Variants in ANKRD11 observed in about 807,000 individuals in gnomAD.
The protein encoded by ANKRD11 is ankyrin repeat domain 11.
Under a neutral mutation model 195.7 loss-of-function variants are expected in ANKRD11, and 17 were observed. That is an observed-to-expected ratio of 0.09 (90% CI 0.06 to 0.13). The LOEUF (loss-of-function observed/expected upper bound fraction) is 0.13. ANKRD11 is among the 10% of genes least tolerant of loss of function. ANKRD11 has a pLI of 1.00. For missense variants in ANKRD11, 3,735 were observed against 3,566.1 expected, an observed-to-expected ratio of 1.05 and a Z score of -1.21; for synonymous variants, 1,953 against 1,528.1, an observed-to-expected ratio of 1.28 and a Z score of -6.49.
At chr16:89,387,634 C>A (rs1303042693) in intron 2 of ANKRD11, among the ~76,000 whole-genome samples, 3 of 147,212 alleles carry the variant, frequency 2.0e-5, no homozygotes, top group Non-Finnish European at 4.5e-5. Flanking sequence ...GACTGCACCA[C>A]TGCACTCTAG....
chr16:89,375,293 T>C (rs1464145924), intron 2 of ANKRD11, among the ~76,000 whole-genome samples: 2 of 152,170 alleles, frequency 1.3e-5, no homozygotes, highest in African/African-American at 2.4e-5. Flanking sequence ...GTAAACAAAT[T>C]ATCTCAAGCC....
rs141615010 is a variant in ANKRD11, at chr16:89,466,838, C to T, written c.-145+23407G>A. On this transcript the variant is annotated intron_variant, in intron 1 of 12. Transcript: ENST00000301030. ...GGCAGGGGCCCTCCCGCAACTCGGG[C>T]ATGTTCGAGAGTTTTTAGAGCTCCA... 6.5e-3 allele frequency among the ~76,000 whole-genome samples: 989 copies of T among 152,308 alleles called. 21 individuals are homozygous for T. Among genetic ancestry groups the T allele is most frequent in the East Asian group, 0.016 (83 of 5,186 alleles).
At chr16:89,302,444 G>A (rs1385644662) in intron 4 of ANKRD11, among the ~76,000 whole-genome samples, 1 of 152,114 alleles carries the variant, frequency 6.6e-6, no homozygotes, top group Non-Finnish European at 1.5e-5. Flanking sequence ...GTAGCGACAG[G>A]GTTTCTTCAT....
chr16:89,337,405 T>C (rs2038419428), intron 2 of ANKRD11, among the ~76,000 whole-genome samples: 1 of 138,506 alleles, frequency 7.2e-6, no homozygotes, highest in African/African-American at 2.6e-5. Context: ...TACTGCACAA[T>C]ACATGAACAT....
intron 2 of ANKRD11, among the ~76,000 whole-genome samples, chr16:89,346,406 T>C (rs1335253631): frequency 6.6e-6 from 1 of 152,086 alleles, no homozygotes; most frequent in Non-Finnish European, 1.5e-5. Flanking sequence ...AAGCTGGAGC[T>C]AAACATATAA....
chr16:89,407,852 C>CA (rs60723753), intron 2 of ANKRD11, among the ~76,000 whole-genome samples: 1,895 of 111,298 alleles, frequency 0.017, 30 homozygotes, highest in South Asian at 0.04. Flanking sequence ...TGTCTCCCTC[C>CA]AAAAAAAAAA....
intron 2 of ANKRD11, among the ~76,000 whole-genome samples, chr16:89,381,811 G>A (rs1490404574): frequency 6.6e-6 from 1 of 152,134 alleles, no homozygotes; most frequent in East Asian, 1.9e-4. Flanking sequence ...GACCCCACGC[G>A]AATGGGGGGA....
At chr16:89,301,167 C>T (rs913444909) in intron 4 of ANKRD11, among the ~76,000 whole-genome samples, 14 of 152,142 alleles carry the variant, frequency 9.2e-5, no homozygotes, top group Non-Finnish European at 1.8e-4. Context: ...AGGGCAGTGG[C>T]GCAATCACGG....
At chr16:89,369,754 C>G (rs117551185) in intron 2 of ANKRD11, among the ~76,000 whole-genome samples, 1,657 of 152,324 alleles carry the variant, frequency 0.011, 8 homozygotes, top group Non-Finnish European at 0.016. Flanking sequence ...AAGGGTGAAA[C>G]AGCTGTCTAA....
intron 11 of ANKRD11, chr16:89,273,010 G>A (rs2033303916): frequency 6.7e-6 from 1 of 149,094 alleles, no homozygotes; most frequent in South Asian, 2.1e-4. Context: ...GGTTGTGGGG[G>A]GCTGGCAGGG....
intron 2 of ANKRD11, among the ~76,000 whole-genome samples, chr16:89,396,627 G>A (rs1281432274): frequency 1.3e-5 from 2 of 152,082 alleles, no homozygotes; most frequent in Non-Finnish European, 2.9e-5. Flanking sequence ...CTTCTATGAA[G>A]CCACACATTA....
chr16:89,395,002 C>A (rs777218662), intron 2 of ANKRD11, among the ~76,000 whole-genome samples: 15 of 152,306 alleles, frequency 9.8e-5, no homozygotes, highest in Non-Finnish European at 1.6e-4. Context: ...GCAAATACAT[C>A]ACGGTATGAT....
chr16:89,382,126 G>T (rs551984714), intron 2 of ANKRD11, among the ~76,000 whole-genome samples: 27 of 152,204 alleles, frequency 1.8e-4, no homozygotes, highest in African/African-American at 6.5e-4. Context: ...CCTCCCAGCA[G>T]CTGGGCACAC....
chr16:89,288,374 C>CA, intron 7 of ANKRD11, 154 bp downstream of exon 7: 1 of 1,232,582 alleles, frequency 8.1e-7, no homozygotes, highest in Non-Finnish European at 1.2e-6. Flanking sequence ...TGGGGGCAGA[C>CA]AGAGGGCACA....
intron 1 of ANKRD11, among the ~76,000 whole-genome samples, chr16:89,490,033 C>T (rs1241380617): frequency 1.4e-5 from 2 of 147,340 alleles, no homozygotes; most frequent in Non-Finnish European, 3.0e-5. Context: ...GCCCCGAACC[C>T]GGACCCGTAG....
chr16:89,410,098 CA>C (rs1281617512), intron 2 of ANKRD11, among the ~76,000 whole-genome samples: 2 of 152,196 alleles, frequency 1.3e-5, no homozygotes, highest in Non-Finnish European at 2.9e-5. Context: ...CTCGGCCTCC[CA>C]AAGTGCTGGG....
intron 3 of ANKRD11, among the ~76,000 whole-genome samples, chr16:89,308,808 G>A (rs995488777): frequency 6.6e-6 from 1 of 152,128 alleles, no homozygotes; most frequent in African/African-American, 2.4e-5. Flanking sequence ...CGTGAGAAAC[G>A]GGTGCACACC....
intron 2 of ANKRD11, chr16:89,392,365 G>C (rs576327950): frequency 6.6e-6 from 1 of 152,316 alleles, no homozygotes; most frequent in African/African-American, 2.4e-5. Flanking sequence ...ATCACAAGAA[G>C]CTAAAATTCA....
intron 1 of ANKRD11, among the ~76,000 whole-genome samples, chr16:89,476,643 G>A (rs550757428): frequency 1.3e-5 from 2 of 152,300 alleles, no homozygotes; most frequent in East Asian, 3.9e-4. Flanking sequence ...TCAAGCCGCA[G>A]GCACTAGCCT....
Sources: allele counts gnomAD v4.1 joint callset (sites outside exome capture counted in the v4.1 genomes callset), GRCh38; gene constraint gnomAD v4.1.1; transcripts MANE v1.5; gene names NCBI Gene and HGNC (gene_info 2026-07-23, HGNC 2026-07-21).